The following PTPRT variants were observed in gnomAD, a reference collection of about 807,000 sequenced individuals.
PTPRT encodes protein tyrosine phosphatase receptor type T.
A neutral mutation model predicts 176.8 loss-of-function variants in PTPRT; 56 were observed. The ratio of observed to expected loss-of-function variants is 0.32; its 90% CI spans 0.26 to 0.40. The LOEUF (loss-of-function observed/expected upper bound fraction) is 0.40, where lower values mean the gene tolerates loss of function less well. Among genes scored for constraint, PTPRT ranks in the 10% least tolerant of loss-of-function variants. PTPRT has a pLI of 1.00. For synonymous variants in PTPRT, 783 were observed against 739.0 expected, an observed-to-expected ratio of 1.06 and a Z score of -0.96; for missense variants, 1,540 against 1,908.2, an observed-to-expected ratio of 0.81 and a Z score of 3.60.
intron 1 of PTPRT, among the ~76,000 whole-genome samples, chr20:43,166,606 C>T (rs2014865655): frequency 6.6e-6 from 1 of 152,198 alleles, no homozygotes; most frequent in African/African-American, 2.4e-5. Flanking sequence ...ATCTGACAGA[C>T]TCTATCCTTG....
intron 11 of PTPRT, among the ~76,000 whole-genome samples, chr20:42,345,582 ATGTGTGTGTGTGTGTGTGTG>A (rs56310086): frequency 1.1e-5 from 1 of 94,644 alleles, no homozygotes; most frequent in African/African-American, 3.1e-5. Flanking sequence ...ATACATATAT[ATGTGTGTGTGTGTGTGTGTG>A]TGTGTGTGTG....
At chr20:42,254,811 C>T (rs941497697) in intron 13 of PTPRT, among the ~76,000 whole-genome samples, 4 of 152,192 alleles carry the variant, frequency 2.6e-5, no homozygotes, top group African/African-American at 4.8e-5. Flanking sequence ...CTGTTCTCAT[C>T]TCCTTGGCTT....
intron 5 of PTPRT, among the ~76,000 whole-genome samples, chr20:42,769,017 C>T (rs2077024534): frequency 6.6e-6 from 1 of 152,180 alleles, no homozygotes; most frequent in Admixed American, 6.5e-5. Context: ...TGAGGCAATG[C>T]CATTGAAATC....
chr20:43,110,942 C>T (rs1051850116), intron 1 of PTPRT, among the ~76,000 whole-genome samples: 1 of 152,120 alleles, frequency 6.6e-6, no homozygotes, highest in Non-Finnish European at 1.5e-5. Flanking sequence ...AGCACCAACT[C>T]GAATGAGGTC....
chr20:42,653,819 C>A (rs1366456901), intron 7 of PTPRT, among the ~76,000 whole-genome samples: 1 of 152,072 alleles, frequency 6.6e-6, no homozygotes, highest in African/African-American at 2.4e-5. Flanking sequence ...CACAGTTTAT[C>A]GTTAAGTGTA....
intron 7 of PTPRT, among the ~76,000 whole-genome samples, chr20:42,490,967 T>A (rs1244658464): frequency 6.6e-6 from 1 of 152,162 alleles, no homozygotes; most frequent in Non-Finnish European, 1.5e-5. Flanking sequence ...AAGTTTGGGG[T>A]AATTATAAGT....
intron 7 of PTPRT, among the ~76,000 whole-genome samples, chr20:42,521,898 AATT>A (rs2072183723): frequency 6.6e-6 from 1 of 152,020 alleles, no homozygotes; most frequent in African/African-American, 2.4e-5. Context: ...AGCATGAAAG[AATT>A]ATTTTCTTTT....
intron 1 of PTPRT, among the ~76,000 whole-genome samples, chr20:43,174,576 T>C (rs565909542): frequency 2.0e-5 from 3 of 152,324 alleles, no homozygotes; most frequent in East Asian, 1.9e-4. Context: ...TTTCACCATA[T>C]GATTTTTCCC....
At chr20:42,417,210 A>G (rs974712268) in intron 9 of PTPRT, among the ~76,000 whole-genome samples, 4 of 152,136 alleles carry the variant, frequency 2.6e-5, no homozygotes, top group African/African-American at 9.7e-5. Flanking sequence ...TTCATTTTTG[A>G]ATGAAGCTGA....
At chr20:42,157,385 C>T (rs1464899027) in intron 17 of PTPRT, among the ~76,000 whole-genome samples, 3 of 150,908 alleles carry the variant, frequency 2.0e-5, no homozygotes, top group Non-Finnish European at 4.4e-5. Context: ...TCACTCTGTC[C>T]CACAGGCTGG....
In PTPRT at chr20:42,268,654, A is replaced by C. The variant is rs541920110; in HGVS notation, c.2176+13835T>G. Among the ~76,000 whole-genome samples the C allele has an allele frequency of 5.9e-5, 9 of 152,346 alleles. No individual in the cohort carries two copies. The East Asian group carries it at 1.7e-3, about 29-fold the overall frequency. On this transcript the variant is annotated intron_variant, in intron 13 of 30. Transcript: ENST00000373187. ...CTAATGGAATTTTTAATATGACTGC[A>C]TGAAGCACATATGATAATTAGTTTT...
intron 7 of PTPRT, among the ~76,000 whole-genome samples, chr20:42,481,676 G>A (rs889200858): frequency 3.3e-5 from 5 of 151,200 alleles, no homozygotes; most frequent in African/African-American, 4.9e-5. Context: ...TTGCCCAAGC[G>A]GGTCTCGAAA....
intron 9 of PTPRT, among the ~76,000 whole-genome samples, chr20:42,360,160 C>A (rs2058413465): frequency 1.3e-5 from 2 of 152,168 alleles, no homozygotes; most frequent in Non-Finnish European, 2.9e-5. Flanking sequence ...ACATTATGTG[C>A]CTACCATGCA....
In PTPRT at chr20:42,403,201, G is replaced by A. The variant is rs147600472; in HGVS notation, c.1560+45019C>T. Among the ~76,000 whole-genome samples the A allele has an allele frequency of 5.1e-4, 78 of 151,752 alleles. 1 individual carries two copies. The highest frequency in any genetic ancestry group is 3.4e-3 in the Middle Eastern group (1 of 290). Reference sequence around the variant, plus strand: ...TTGCATATATTGCTTATATTATTTCGTAAACTTGCATCCTTGATTATTGAA... The same window carrying A: ...TTGCATATATTGCTTATATTATTTCATAAACTTGCATCCTTGATTATTGAA... On this transcript the variant is annotated intron_variant, in intron 9 of 30. Coordinates refer to ENST00000373187, the MANE Select transcript of PTPRT (RefSeq NM_007050.6).
chr20:43,084,532 G>A (rs1028584309), intron 1 of PTPRT, among the ~76,000 whole-genome samples: 4 of 152,212 alleles, frequency 2.6e-5, no homozygotes, highest in East Asian at 1.9e-4. Context: ...GGGGGAAACC[G>A]CCCCCATGAT....
chr20:42,443,217 C>G (rs2059334487), intron 9 of PTPRT, among the ~76,000 whole-genome samples: 1 of 152,254 alleles, frequency 6.6e-6, no homozygotes, highest in South Asian at 2.1e-4. Context: ...CTACCACCCT[C>G]TTGTGCTGAT....
At chr20:42,593,010 A>G (rs2073606789) in intron 7 of PTPRT, among the ~76,000 whole-genome samples, 1 of 152,248 alleles carries the variant, frequency 6.6e-6, no homozygotes, top group African/African-American at 2.4e-5. Context: ...CATGGGGTCG[A>G]TTAAGCCAGT....
intron 18 of PTPRT, among the ~76,000 whole-genome samples, chr20:42,137,240 T>A (rs1322116033): frequency 2.0e-5 from 3 of 151,700 alleles, no homozygotes; most frequent in Non-Finnish European, 4.4e-5. Context: ...AGGCTGAGAG[T>A]CAGGAGCATT....
At chr20:42,647,768 C>G (rs6030392) in intron 7 of PTPRT, among the ~76,000 whole-genome samples, 1 of 152,304 alleles carries the variant, frequency 6.6e-6, no homozygotes, top group South Asian at 2.1e-4. Context: ...TACCGGCTGA[C>G]GCTCATTAAA....
Sources: allele counts gnomAD v4.1 joint callset (sites outside exome capture counted in the v4.1 genomes callset), GRCh38; gene constraint gnomAD v4.1.1; transcripts MANE v1.5; gene names NCBI Gene and HGNC (gene_info 2026-07-23, HGNC 2026-07-21).